The following ZNF385D variants were observed in gnomAD, a reference collection of about 807,000 sequenced individuals.
The protein encoded by ZNF385D is zinc finger protein 385D, also known as zinc finger protein 659.
ZNF385D carries 15 observed loss-of-function variants against 35.8 expected under a neutral mutation model. That is an observed-to-expected ratio of 0.42 (90% CI 0.28 to 0.64). ZNF385D has a LOEUF of 0.64. ZNF385D is among the 30% of genes least tolerant of loss of function. The pLI is 0.23. For missense variants in ZNF385D, 474 were observed against 494.6 expected, an observed-to-expected ratio of 0.96 and a Z score of 0.39; for synonymous variants, 212 against 186.8, an observed-to-expected ratio of 1.13 and a Z score of -1.10.
intron 3 of ZNF385D, among the ~76,000 whole-genome samples, chr3:21,951,629 T>C (rs1034731297): frequency 1.3e-5 from 2 of 151,622 alleles, no homozygotes; most frequent in Non-Finnish European, 2.9e-5. Context: ...TCTTCCACTG[T>C]CTCCACTACT....
intron 2 of ZNF385D, among the ~76,000 whole-genome samples, chr3:22,285,471 T>C (rs1044540611): frequency 2.6e-5 from 4 of 152,142 alleles, no homozygotes; most frequent in South Asian, 4.1e-4. Context: ...TACTGAAAAA[T>C]GTAAAATGAA....
chr3:21,461,976 G>C (rs890137546), intron 4 of ZNF385D, among the ~76,000 whole-genome samples: 1 of 152,176 alleles, frequency 6.6e-6, no homozygotes, highest in Non-Finnish European at 1.5e-5. Context: ...ATAGTTAAAA[G>C]TATATAGCTA....
intron 3 of ZNF385D, among the ~76,000 whole-genome samples, chr3:22,114,028 A>G (rs1294323250): frequency 6.6e-6 from 1 of 152,148 alleles, no homozygotes; most frequent in Admixed American, 6.6e-5. Flanking sequence ...TGTTTTAAAT[A>G]TTAACAGTAT....
chr3:21,502,057 T>G (rs1483394421), intron 4 of ZNF385D, among the ~76,000 whole-genome samples: 2 of 152,136 alleles, frequency 1.3e-5, no homozygotes, highest in Non-Finnish European at 2.9e-5. Flanking sequence ...ATATGTTGCT[T>G]TGGTATGCTG....
intron 3 of ZNF385D, among the ~76,000 whole-genome samples, chr3:21,772,324 A>C (rs58209831): frequency 0.38 from 58,114 of 151,644 alleles, 12,591 homozygotes; most frequent in Middle Eastern, 0.51. Flanking sequence ...TTGCAAATCA[A>C]GTATCTGATA....
At position 22,133,304 on chromosome 3, in the gene ZNF385D, T is replaced by C. The variant is rs1430446178; in HGVS notation, c.325+35513A>G. On this transcript the variant is annotated intron_variant, in intron 3 of 5. Transcript: ENST00000494108. ...CTTAATAACATGAAAATCTGAAGTTTAAAAAAGCAGTCTCCTCAGATTATG... is the reference window on the plus strand; with the variant it reads ...CTTAATAACATGAAAATCTGAAGTTCAAAAAAGCAGTCTCCTCAGATTATG... Among the ~76,000 whole-genome samples the C allele has an allele frequency of 3.3e-5, 5 of 151,926 alleles. No individual in the cohort carries two copies. In the East Asian group the frequency reaches 9.7e-4, roughly 29 times the overall value.
intron 3 of ZNF385D, among the ~76,000 whole-genome samples, chr3:22,070,780 A>C (rs1403415164): frequency 6.6e-6 from 1 of 152,206 alleles, no homozygotes; most frequent in Non-Finnish European, 1.5e-5. Context: ...AATCTCAGAA[A>C]GCATTAAAAT....
At chr3:22,029,404 A>C (rs1697777023) in intron 3 of ZNF385D, among the ~76,000 whole-genome samples, 1 of 152,248 alleles carries the variant, frequency 6.6e-6, no homozygotes, top group Non-Finnish European at 1.5e-5. Flanking sequence ...CAAATGGTCC[A>C]GACCCCTCAG....
At chr3:21,977,466 T>C (rs2125358608) in intron 3 of ZNF385D, among the ~76,000 whole-genome samples, 1 of 151,986 alleles carries the variant, frequency 6.6e-6, no homozygotes, top group East Asian at 1.9e-4. Context: ...GGAGAGAAGT[T>C]CAAAGATGAA....
intron 3 of ZNF385D, among the ~76,000 whole-genome samples, chr3:21,975,371 GGAGA>G (rs749132548): frequency 6.6e-6 from 1 of 152,008 alleles, no homozygotes; most frequent in Admixed American, 6.6e-5. Flanking sequence ...TGCAACTCAT[GGAGA>G]GAGAGAGTAA....
intron 4 of ZNF385D, among the ~76,000 whole-genome samples, chr3:21,438,581 A>G (rs1206725032): frequency 6.6e-6 from 1 of 152,112 alleles, no homozygotes; most frequent in Admixed American, 6.6e-5. Flanking sequence ...CATCAGAAAC[A>G]CTAGTCAATA....
chr3:22,079,556 C>G (rs917807147), intron 3 of ZNF385D, among the ~76,000 whole-genome samples: 1 of 151,772 alleles, frequency 6.6e-6, no homozygotes, highest in African/African-American at 2.4e-5. Flanking sequence ...AAAAAAGTTC[C>G]CTCACCATTT....
intron 1 of ZNF385D, among the ~76,000 whole-genome samples, chr3:21,747,502 T>C (rs867971443): frequency 3.3e-5 from 5 of 152,178 alleles, no homozygotes. Context: ...GGGTGAGACA[T>C]GGCATCTCTC....
intron 3 of ZNF385D, among the ~76,000 whole-genome samples, chr3:21,945,298 G>T (rs534394813): frequency 6.6e-6 from 1 of 152,078 alleles, no homozygotes; most frequent in Non-Finnish European, 1.5e-5. Flanking sequence ...TGACTTAATA[G>T]AGTTTGTGAA....
intron 3 of ZNF385D, among the ~76,000 whole-genome samples, chr3:21,782,346 G>T (rs1481632562): frequency 1.3e-5 from 2 of 152,042 alleles, no homozygotes; most frequent in African/African-American, 4.8e-5. Context: ...CCTGCTACCT[G>T]GAGGAAATTC....
intron 2 of ZNF385D, among the ~76,000 whole-genome samples, chr3:22,294,787 G>T (rs2125403107): frequency 6.6e-6 from 1 of 152,192 alleles, no homozygotes; most frequent in South Asian, 2.1e-4. Flanking sequence ...CAATGTCAAT[G>T]CTTAGTGGAA....
chr3:22,025,813 C>G (rs1444960881), intron 3 of ZNF385D, among the ~76,000 whole-genome samples: 1 of 152,078 alleles, frequency 6.6e-6, no homozygotes, highest in Non-Finnish European at 1.5e-5. Flanking sequence ...TGGACCAATG[C>G]CTTGTGAGGG....
chr3:22,216,794 G>C (rs114964241), intron 2 of ZNF385D, among the ~76,000 whole-genome samples: 2,291 of 152,150 alleles, frequency 0.015, 31 homozygotes, highest in Non-Finnish European at 0.023. Flanking sequence ...CAGAGGTCTC[G>C]TCAATGAAAA....
rs531466364 is a variant in ZNF385D at position 22,212,976 on chromosome 3, G to A, written c.107-43941C>T. 2.6e-5 allele frequency among the ~76,000 whole-genome samples: 4 copies of A among 152,122 alleles called. No individual in the cohort carries two copies. In the East Asian group the frequency reaches 7.8e-4, roughly 30 times the overall value. On this transcript the variant is annotated intron_variant, in intron 2 of 5. Transcript: ENST00000494108. ...ATAGACTGTTTAAACATAATGGTTA[G>A]AGTGCATTTATTTAGAGGTGGTGAA...
Sources: allele counts gnomAD v4.1 joint callset (sites outside exome capture counted in the v4.1 genomes callset), GRCh38; gene constraint gnomAD v4.1.1; transcripts MANE v1.5; gene names NCBI Gene and HGNC (gene_info 2026-07-23, HGNC 2026-07-21).